The following MBOAT2 variants were observed in gnomAD, a reference collection of about 807,000 sequenced individuals.
MBOAT2 encodes the protein membrane bound glycerophospholipid O-acyltransferase 2.
In MBOAT2, 28 loss-of-function variants were observed where a neutral mutation model predicts 63.4. The ratio of observed to expected loss-of-function variants is 0.44; its 90% CI spans 0.33 to 0.61. The LOEUF (loss-of-function observed/expected upper bound fraction) is 0.61. MBOAT2 is among the 20% of genes least tolerant of loss of function. MBOAT2 has a pLI of 0.03. For missense variants in MBOAT2, 470 were observed against 605.8 expected (o/e 0.78, Z 2.35); for synonymous variants, 211 against 215.6 (o/e 0.98, Z 0.19).
intron 3 of MBOAT2, among the ~76,000 whole-genome samples, chr2:8,924,889 A>G (rs1488816488): frequency 6.6e-6 from 1 of 152,190 alleles, no homozygotes; most frequent in African/African-American, 2.4e-5. Context: ...AACGAATAAT[A>G]TTGTAGTTTA....
chr2:8,915,504 G>C (rs2148599970), intron 3 of MBOAT2, among the ~76,000 whole-genome samples: 1 of 152,212 alleles, frequency 6.6e-6, no homozygotes, highest in Admixed American at 6.5e-5. Context: ...AATCTAACTT[G>C]AGAAAGAATT....
intron 9 of MBOAT2, among the ~76,000 whole-genome samples, chr2:8,865,814 A>G (rs189233192): frequency 6.6e-6 from 1 of 152,332 alleles, no homozygotes; most frequent in Non-Finnish European, 1.5e-5. Context: ...AGGTGGGTAG[A>G]TCGCCTGAAG....
intron 1 of MBOAT2, among the ~76,000 whole-genome samples, chr2:8,972,733 G>C (rs1361938332): frequency 6.6e-6 from 1 of 152,160 alleles, no homozygotes. Flanking sequence ...CTTCTCAAAA[G>C]AAGACATTTA....
chr2:8,950,472 G>A (rs2103256798), intron 2 of MBOAT2, among the ~76,000 whole-genome samples: 1 of 152,292 alleles, frequency 6.6e-6, no homozygotes, highest in Middle Eastern at 3.4e-3. Flanking sequence ...CTGTCACTCA[G>A]GCTGGAGTGC....
intron 8 of MBOAT2, among the ~76,000 whole-genome samples, chr2:8,872,042 C>T (rs1488886313): frequency 6.6e-6 from 1 of 152,202 alleles, no homozygotes; most frequent in Non-Finnish European, 1.5e-5. Context: ...TCTTCTGCCA[C>T]AGGATCAGGC....
intron 8 of MBOAT2, among the ~76,000 whole-genome samples, chr2:8,872,122 A>G (rs538208416): frequency 1.3e-5 from 2 of 152,254 alleles, no homozygotes; most frequent in South Asian, 4.1e-4. Context: ...AGCCCATTTC[A>G]CCTGACCAGG....
chr2:8,929,584 C>T (rs146004646), intron 3 of MBOAT2, among the ~76,000 whole-genome samples: 101 of 152,368 alleles, frequency 6.6e-4, no homozygotes, highest in African/African-American at 2.3e-3. Flanking sequence ...AACTCTTGAG[C>T]TCAAGCGATC....
chr2:8,980,297 A>C (rs1027180180), intron 1 of MBOAT2, among the ~76,000 whole-genome samples: 20 of 152,324 alleles, frequency 1.3e-4, no homozygotes, highest in Admixed American at 1.0e-3. Flanking sequence ...ACATCACAGC[A>C]GGCTGACAAC....
chr2:8,867,285 G>A (rs1277135512), intron 9 of MBOAT2, among the ~76,000 whole-genome samples: 2 of 152,130 alleles, frequency 1.3e-5, no homozygotes, highest in African/African-American at 2.4e-5. Context: ...CCAAAGTGCT[G>A]GGATTACAGG....
intron 9 of MBOAT2, among the ~76,000 whole-genome samples, chr2:8,867,534 TGAA>T (rs1661988729): frequency 6.6e-6 from 1 of 152,214 alleles, no homozygotes; most frequent in Admixed American, 6.5e-5. Flanking sequence ...GTCTGTGATT[TGAA>T]GATATTATCT....
At chr2:8,864,144 T>C (rs1391400133) in intron 10 of MBOAT2, 26 bp downstream of exon 10, 4 of 1,524,518 alleles carry the variant, frequency 2.6e-6, no homozygotes, top group Admixed American at 2.2e-5. Context: ...AAAGCACATC[T>C]AAAGATCGTT....
chr2:8,954,645 A>G (rs1669082689), intron 2 of MBOAT2, among the ~76,000 whole-genome samples: 1 of 152,216 alleles, frequency 6.6e-6, no homozygotes, highest in Non-Finnish European at 1.5e-5. Flanking sequence ...CTGGGCATGG[A>G]ACAGACAGGA....
intron 1 of MBOAT2, among the ~76,000 whole-genome samples, chr2:8,999,787 G>A (rs1282627923): frequency 6.6e-6 from 1 of 152,184 alleles, no homozygotes; most frequent in Non-Finnish European, 1.5e-5. Flanking sequence ...GCAAACATCA[G>A]ATGCCGATAC....
Position 8,887,202 on chromosome 2 carries a change from C to T in MBOAT2, c.451+816G>A, listed in dbSNP as rs187765835. Among the ~76,000 whole-genome samples, 100 of 152,280 alleles carry T rather than the reference C, an allele frequency of 6.6e-4. 1 individual carries two copies. The East Asian group carries it at 0.013, about 19-fold the overall frequency. On this transcript the variant is annotated intron_variant, in intron 5 of 12. Coordinates refer to ENST00000305997, the MANE Select transcript of MBOAT2 (RefSeq NM_138799.4). Reference sequence around the variant, plus strand: ...TTTCTGAAGGGCAGAAAGATAGTTGCTGTTTAACCTGCAGACTTGATTAAA... The same window carrying T: ...TTTCTGAAGGGCAGAAAGATAGTTGTTGTTTAACCTGCAGACTTGATTAAA...
intron 6 of MBOAT2, among the ~76,000 whole-genome samples, chr2:8,877,584 A>G (rs1662790164): frequency 6.6e-6 from 1 of 152,248 alleles, no homozygotes; most frequent in Non-Finnish European, 1.5e-5. Context: ...ATACGGCAGT[A>G]AACAAAGGAG....
chr2:8,957,308 A>G (rs1669298598), intron 2 of MBOAT2, among the ~76,000 whole-genome samples: 2 of 152,228 alleles, frequency 1.3e-5, no homozygotes, highest in Admixed American at 6.5e-5. Context: ...AAACCTTAAA[A>G]AACTGTGATG....
At chr2:8,859,621 T>C (rs551510483) in intron 12 of MBOAT2, among the ~76,000 whole-genome samples, 17 of 152,314 alleles carry the variant, frequency 1.1e-4, no homozygotes, top group African/African-American at 2.6e-4. Flanking sequence ...TGTATAATTA[T>C]TGTCATATTT....
At position 8,943,417 on chromosome 2, in the gene MBOAT2, C is replaced by A. The variant is rs73157441; in HGVS notation, c.222-153G>T. Among the ~76,000 whole-genome samples, 382 of 152,204 alleles carry A rather than the reference C, an allele frequency of 2.5e-3. No individual in the cohort carries two copies. The highest frequency in any genetic ancestry group is 8.9e-3 in the African/African-American group (369 of 41,540). On this transcript the variant is annotated intron_variant, in intron 2 of 12. Coordinates refer to ENST00000305997, the MANE Select transcript of MBOAT2 (RefSeq NM_138799.4). ...TCAGGAGCTTAAAATCCTGTGGACA[C>A]CCTAAAGAGAGAGTCCCATACCACA...
intron 5 of MBOAT2, among the ~76,000 whole-genome samples, chr2:8,886,933 C>T (rs7580538): frequency 0.01 from 1,540 of 152,240 alleles, 20 homozygotes; most frequent in African/African-American, 0.035. Context: ...GTAACAGGGT[C>T]GAGTGAGTTT....
Sources: gnomAD v4.1 joint callset for allele counts (sites outside exome capture counted in the v4.1 genomes callset) on GRCh38, gnomAD v4.1.1 for gene constraint, MANE v1.5 for transcripts, NCBI Gene and HGNC (gene_info 2026-07-23, HGNC 2026-07-21) for gene names.